TPP1: variants seen among roughly 807,000 people sequenced by gnomAD.
TPP1 encodes the protein tripeptidyl-peptidase 1.
In TPP1, 43 loss-of-function variants were observed where a neutral mutation model predicts 67.6. The ratio of observed to expected loss-of-function variants is 0.64; its 90% CI spans 0.50 to 0.82. The LOEUF (loss-of-function observed/expected upper bound fraction) is 0.82, where lower values mean the gene tolerates loss of function less well. TPP1 is among the 40% of genes least tolerant of loss of function. The pLI is 0.00. For missense variants in TPP1, 671 were observed against 710.9 expected, an observed-to-expected ratio of 0.94 and a Z score of 0.64; for synonymous variants, 272 against 281.5, an observed-to-expected ratio of 0.97 and a Z score of 0.34.
rs121908197 is a variant in TPP1, at chr11:6,616,363, C to T, written c.1027G>A (p.Glu343Lys). The T allele has an allele frequency of 3.0e-5, 49 of 1,613,744 alleles. No individual in the cohort carries two copies. The highest frequency in any genetic ancestry group is 3.4e-6 in the Non-Finnish European group (4 of 1,180,022). ...CCCCGAGCGGCAGCCTTCATGAGCT[C>T]AGTGTTGACCCGCTGGATGTAGGCG... ...SSAYIQRVNTELMKAAARGLT... is the reference protein window; with the variant it reads ...SSAYIQRVNTKLMKAAARGLT... The change falls in exon 8 of 13, where the codon GAG becomes AAG. Residue 343 changes from glutamate (E) to lysine (K), a missense_variant. Glu to Lys is a moderately conservative substitution (Grantham distance 56, BLOSUM62 1). Coordinates refer to ENST00000299427, the MANE Select transcript of TPP1 (RefSeq NM_000391.4).
At chr11:6,618,091 T>C (rs531395243) in intron 3 of TPP1, 31 of 415,270 alleles carry the variant, frequency 7.5e-5, no homozygotes, top group Non-Finnish European at 1.2e-4. Flanking sequence ...TTTAAGCTTA[T>C]GTCCGGTAAA....
Position 6,614,676 on chromosome 11 carries a change from C to G in TPP1, c.1562G>C (p.Gly521Ala), listed in dbSNP as rs1855548329. 2 of 1,614,140 alleles carry G rather than the reference C, an allele frequency of 1.2e-6. No homozygotes were observed. The highest frequency in any genetic ancestry group is 1.7e-6 in the Non-Finnish European group (2 of 1,180,018). Residue 521 changes from glycine to alanine, a missense_variant, in exon 13 of 13, where the codon GGC (glycine) becomes GCC (alanine). Gly to Ala is a moderately conservative substitution (Grantham distance 60, BLOSUM62 0). Coordinates refer to ENST00000299427, the MANE Select transcript of TPP1 (RefSeq NM_000391.4). Reference protein sequence around the residue: ...HGAGLFDVTRGCHESCLDEEV... With the variant: ...HGAGLFDVTRACHESCLDEEV... Reference sequence around the variant, plus strand: ...TTCATCCAGACAGGACTCATGGCAGCCACGGGTTACCTAGGGAGGAGGCTG... The same window carrying G: ...TTCATCCAGACAGGACTCATGGCAGGCACGGGTTACCTAGGGAGGAGGCTG...
At chr11:6,615,687 G>A in intron 9 of TPP1, 125 bp from the exon 10 acceptor site, 3 of 1,278,862 alleles carry the variant, frequency 2.3e-6, no homozygotes, top group East Asian at 2.3e-5. Context: ...GCATGTATAT[G>A]GGATTGACTA....
At chr11:6,618,673 A>G (rs1296650776) in intron 3 of TPP1, 103 bp downstream of exon 3, 29 of 1,520,726 alleles carry the variant, frequency 1.9e-5, no homozygotes, top group Non-Finnish European at 2.5e-5. Context: ...CCTGAGGAAC[A>G]CAAGTGTCTT....
At position 6,616,339 on chromosome 11, in the gene TPP1, C is replaced by T; in HGVS notation, c.1051G>A (p.Gly351Ser). The change falls in exon 8 of 13, where the codon GGT (glycine) becomes AGT (serine). Residue 351 changes from glycine (G) to serine (S), a missense_variant. Coordinates refer to ENST00000299427, the MANE Select transcript of TPP1 (RefSeq NM_000391.4). ...NTELMKAAAR[G>S]LTLLFASGDS... Reference sequence around the variant, plus strand: ...CCTGAGGCGAAGAGCAGGGTGAGACCCCGAGCGGCAGCCTTCATGAGCTCA... The same window carrying T: ...CCTGAGGCGAAGAGCAGGGTGAGACTCCGAGCGGCAGCCTTCATGAGCTCA... The T allele has an allele frequency of 6.2e-7, 1 of 1,613,298 alleles. No individual in the cohort carries two copies. Among genetic ancestry groups the T allele is most frequent in the Non-Finnish European group, 8.5e-7 (1 of 1,179,916 alleles).
At chr11:6,617,230 C>A in intron 5 of TPP1, 71 bp downstream of exon 5, 1 of 1,613,978 alleles carries the variant, frequency 6.2e-7, no homozygotes, top group Non-Finnish European at 8.5e-7. Flanking sequence ...CCCCCAGTCC[C>A]CAATGGCATC....
In TPP1 at chr11:6,617,017, G is replaced by A. The variant is rs766845531; in HGVS notation, c.645C>T (p.Asp215=). The change falls in exon 6 of 13, where the codon GAC becomes GAT. Residue 215 remains aspartate, a synonymous_variant. Coordinates refer to ENST00000299427, the MANE Select transcript of TPP1 (RefSeq NM_000391.4). ...TGTTATTGCTGGTGCCAGAGCCCAC[G>A]TCTTGTGAGGTCAAGTTGTATCGCT... ...IRKRYNLTSQ[D]VGSGTSNNSQ... 3.4e-5 allele frequency: 55 copies of A among 1,614,000 alleles called. No individual in the cohort carries two copies. Among genetic ancestry groups the A allele is most frequent in the Middle Eastern group, 1.6e-4 (1 of 6,084 alleles).
At chr11:6,619,168 G>C in intron 2 of TPP1, 28 bp downstream of exon 2, 5 of 1,613,240 alleles carry the variant, frequency 3.1e-6, no homozygotes, top group Non-Finnish European at 3.4e-6. Flanking sequence ...GTATGGGGAA[G>C]GGGGCAGTCT....
intron 9 of TPP1, 112 bp downstream of exon 9, chr11:6,615,893 G>A: frequency 7.8e-7 from 1 of 1,283,506 alleles, no homozygotes; most frequent in South Asian, 1.2e-5. Context: ...GGCAGGCAAA[G>A]CTTAAGGCTG....
chr11:6,617,592 T>C (rs775269349), intron 4 of TPP1, 34 bp downstream of exon 4: 2 of 1,613,948 alleles, frequency 1.2e-6, no homozygotes, highest in East Asian at 2.2e-5. Context: ...ATGGGATGAC[T>C]GGTGCCCTCC....
At chr11:6,617,860 G>A (rs1855610630) in intron 3 of TPP1, 84 bp from the exon 4 acceptor site, 7 of 1,594,436 alleles carry the variant, frequency 4.4e-6, no homozygotes, top group Non-Finnish European at 6.0e-6. Context: ...GAGACATCAG[G>A]ACTTCCCAAA....
intron 12 of TPP1, 56 bp downstream of exon 12, chr11:6,614,810 C>T (rs1049517404): frequency 5.6e-6 from 9 of 1,613,800 alleles, no homozygotes; most frequent in Non-Finnish European, 7.6e-6. Context: ...CCAAGTCCCC[C>T]TTAGCACTCC....
Position 6,614,489 on chromosome 11 carries a change from G to A in TPP1, c.*57C>T. Reference sequence around the variant, plus strand: ...AGGGCTTCCAACAGGGCAGAATAAGGGACTGAACTGCCAGCTTCAGGGCAG... The same window carrying A: ...AGGGCTTCCAACAGGGCAGAATAAGAGACTGAACTGCCAGCTTCAGGGCAG... On this transcript the variant is annotated 3_prime_UTR_variant, in exon 13 of 13. Coordinates refer to ENST00000299427, the MANE Select transcript of TPP1 (RefSeq NM_000391.4). 2.5e-6 allele frequency: 4 copies of A among 1,611,910 alleles called. No individual in the cohort carries two copies. The highest frequency in any genetic ancestry group is 3.4e-6 in the Non-Finnish European group (4 of 1,178,432).
rs766770330 is a variant in TPP1, at chr11:6,616,503, C to T, written c.887G>A (p.Gly296Asp). The T allele has an allele frequency of 1.0e-5, 16 of 1,548,392 alleles. No individual in the cohort carries two copies. The South Asian group carries it at 1.8e-4, about 18-fold the overall frequency. Residue 296 changes from glycine to aspartate, a missense_variant and splice_region_variant, in exon 8 of 13, where the codon GGC becomes GAC. By Grantham distance (94) the Gly-to-Asp change is moderately conservative. Transcript: ENST00000299427. ...NISTWVYSSPGRHEGQEPFLQ... is the reference protein window; with the variant it reads ...NISTWVYSSPDRHEGQEPFLQ... ...GAAGGGCTCCTGTCCCTCATGCCGG[C>T]CTGGATTTTTTTTTTTTTTTTTTTT... is the stretch of plus-strand genomic sequence containing the variant.
At position 6,615,316 on chromosome 11, in the gene TPP1, G is replaced by A. The variant is rs201034755; in HGVS notation, c.1280C>T (p.Thr427Met). The change falls in exon 11 of 13, where the codon ACG becomes ATG. Residue 427 changes from threonine to methionine, a missense_variant. By Grantham distance (81) the Thr-to-Met change is moderately conservative. Transcript: ENST00000299427. The stretch of plus-strand genomic sequence containing the variant: ...GTGGGGGCTAGAGCTCAGGAACTTC[G>A]TTACAGCTTCCTCCTGAAAGGCATT... ...PRPSYQEEAV[T>M]KFLSSSPHLP... 1.1e-4 allele frequency: 180 copies of A among 1,614,070 alleles called. No individual in the cohort carries two copies. The highest frequency in any genetic ancestry group is 3.3e-4 in the African/African-American group (25 of 74,904).
intron 11 of TPP1, 38 bp downstream of exon 11, chr11:6,615,133 G>T: frequency 6.2e-7 from 1 of 1,614,158 alleles, no homozygotes; most frequent in Non-Finnish European, 8.5e-7. Flanking sequence ...GGTAAGGGTA[G>T]TTCCTGAGTG....
Position 6,615,427 on chromosome 11 carries a change from C to T in TPP1, c.1266+15G>A. 6.2e-7 allele frequency: 1 copy of T among 1,614,224 alleles called. No homozygotes were observed. Among genetic ancestry groups the T allele is most frequent in the African/African-American group, 1.3e-5 (1 of 75,060 alleles). On this transcript the variant is annotated intron_variant, in intron 10 of 12. Coordinates refer to ENST00000299427, the MANE Select transcript of TPP1 (RefSeq NM_000391.4). ...CTCACTCTTACCCTGCATCCATCCA[C>T]ACAAACACACGTACCTGGTATGAAG... is the stretch of plus-strand genomic sequence containing the variant.
rs2134593732 is a variant in TPP1, at chr11:6,616,421, C to T, written c.969G>A (p.Val323=). The change falls in exon 8 of 13, where the codon GTG becomes GTA. Residue 323 remains valine, a synonymous_variant. Coordinates refer to ENST00000299427, the MANE Select transcript of TPP1 (RefSeq NM_000391.4). ...GGGAGTCCTCATCATCTCCATAGCT[C>T]ACAGTATGCACATGTGGCAGGGCTG... The part of the protein sequence containing the change: ...NESALPHVHT[V]SYGDDEDSLS... 6.2e-7 allele frequency: 1 copy of T among 1,613,846 alleles called. No homozygotes were observed. Among genetic ancestry groups the T allele is most frequent in the South Asian group, 1.1e-5 (1 of 91,082 alleles).
chr11:6,618,793 G>A lies in TPP1; in HGVS notation c.212C>T (p.Pro71Leu), dbSNP rs1377847355. 3 of 1,613,830 alleles carry A rather than the reference G, an allele frequency of 1.9e-6. No homozygotes were observed. The highest frequency in any genetic ancestry group is 1.7e-6 in the Non-Finnish European group (2 of 1,180,040). ...AAAGGCACCGTATTGAGGAGAGCTG[G>A]GATCCGACACAGCCTGCACCAGCTC... ...LSELVQAVSDPSSPQYGKYLT... is the reference protein window; with the variant it reads ...LSELVQAVSDLSSPQYGKYLT... Residue 71 changes from proline to leucine, a missense_variant, in exon 3 of 13, where the codon CCC becomes CTC. Transcript: ENST00000299427.
Sources: allele counts gnomAD v4.1 joint callset, GRCh38; gene constraint gnomAD v4.1.1; transcripts MANE v1.5; gene names NCBI Gene and HGNC (gene_info 2026-07-23, HGNC 2026-07-21).